The following AIG1 variants were observed in gnomAD, a reference collection of about 807,000 sequenced individuals.
AIG1 encodes the protein androgen induced 1.
AIG1 carries 23 observed loss-of-function variants against 31.4 expected under a neutral mutation model. The ratio of observed to expected loss-of-function variants is 0.73; its 90% CI spans 0.53 to 1.04. The LOEUF (loss-of-function observed/expected upper bound fraction) is 1.04. AIG1 is among the 50% of genes least tolerant of loss of function. The pLI is 0.00. For missense variants in AIG1, 274 were observed against 295.0 expected (o/e 0.93, Z 0.52); for synonymous variants, 100 against 110.5 (o/e 0.90, Z 0.60).
chr6:143,224,507 G>T (rs950139209), intron 3 of AIG1, among the ~76,000 whole-genome samples: 1 of 152,164 alleles, frequency 6.6e-6, no homozygotes, highest in Non-Finnish European at 1.5e-5. Flanking sequence ...AATAAGAGAA[G>T]AAAAGTATAT....
At chr6:143,278,689 G>A (rs1442333813) in intron 3 of AIG1, among the ~76,000 whole-genome samples, 2 of 151,396 alleles carry the variant, frequency 1.3e-5, no homozygotes, top group African/African-American at 4.9e-5. Flanking sequence ...GGCTGGTCTC[G>A]AACTCCTGAC....
At chr6:143,073,618 C>A (rs977751270) in intron 1 of AIG1, among the ~76,000 whole-genome samples, 17 of 152,086 alleles carry the variant, frequency 1.1e-4, no homozygotes, top group African/African-American at 4.1e-4. Context: ...TTTTCATTTC[C>A]ATACCTGAGA....
chr6:143,343,416 T>C (rs968626630), downstream of AIG1: 1 of 512,658 alleles, frequency 2.0e-6, no homozygotes, highest in Non-Finnish European at 3.9e-6. Context: ...TGCACCTGTC[T>C]TGTCCTGCCG....
At chr6:143,312,009 G>T (rs1404841104) in intron 4 of AIG1, among the ~76,000 whole-genome samples, 1 of 151,880 alleles carries the variant, frequency 6.6e-6, no homozygotes, top group Non-Finnish European at 1.5e-5. Flanking sequence ...ACAAAGACGT[G>T]AAAGAGCTCT....
At chr6:143,095,078 A>T (rs1362733173) in intron 1 of AIG1, among the ~76,000 whole-genome samples, 1 of 152,182 alleles carries the variant, frequency 6.6e-6, no homozygotes, top group Non-Finnish European at 1.5e-5. Context: ...TAACATCCAC[A>T]ATGGGGGCAG....
intron 3 of AIG1, among the ~76,000 whole-genome samples, chr6:143,237,900 A>G (rs1793931458): frequency 1.3e-5 from 2 of 152,168 alleles, no homozygotes; most frequent in South Asian, 4.1e-4. Flanking sequence ...TGTTACTTCC[A>G]TTGCTCAACA....
intron 1 of AIG1, among the ~76,000 whole-genome samples, chr6:143,081,294 A>T (rs114825279): frequency 1.3e-3 from 190 of 151,834 alleles, no homozygotes; most frequent in African/African-American, 4.5e-3. Flanking sequence ...CGCCTGGGAT[A>T]CTCCCTGCGT....
rs1797848932 is a variant in AIG1, at chr6:143,288,547, G to T, written c.515+4322G>T. On this transcript the variant is annotated intron_variant, in intron 4 of 5. Coordinates refer to ENST00000357847, the MANE Select transcript of AIG1 (RefSeq NM_016108.4). The surrounding 1 kb of genome is among the most constrained non-coding windows in gnomAD (Gnocchi z 4.4). Reference sequence around the variant, plus strand: ...TGTCTGTTGTCTCTGCACCCTAGTGGTTTTAAACAAATTCCATATTCCAAA... The same window carrying T: ...TGTCTGTTGTCTCTGCACCCTAGTGTTTTTAAACAAATTCCATATTCCAAA... Among the ~76,000 whole-genome samples, 1 of 152,174 alleles carries T rather than the reference G, an allele frequency of 6.6e-6. No homozygotes were observed. Among genetic ancestry groups the T allele is most frequent in the Non-Finnish European group, 1.5e-5 (1 of 68,032 alleles).
intron 3 of AIG1, among the ~76,000 whole-genome samples, chr6:143,217,560 G>A (rs760036106): frequency 2.0e-5 from 3 of 152,132 alleles, no homozygotes; most frequent in Non-Finnish European, 4.4e-5. Context: ...CCAGGCTGGA[G>A]TGGAGTGGTG....
chr6:143,089,761 A>C (rs1779133420), intron 1 of AIG1, among the ~76,000 whole-genome samples: 1 of 152,242 alleles, frequency 6.6e-6, no homozygotes, highest in East Asian at 1.9e-4. Flanking sequence ...TCTTTTTAGC[A>C]ACCAGCTCTT....
In AIG1 at chr6:143,102,389, G is replaced by A. The variant is rs150827828; in HGVS notation, c.142-34446G>A. ...AATGTCCGAGAAAATATTTTCAGCC[G>A]GAAGGGAAGGACTTAAAACGTTTCA... is the stretch of plus-strand genomic sequence containing the variant. On this transcript the variant is annotated intron_variant, in intron 1 of 5. Coordinates refer to ENST00000357847, the MANE Select transcript of AIG1 (RefSeq NM_016108.4). Among the ~76,000 whole-genome samples, 620 of 149,148 alleles carry A rather than the reference G, an allele frequency of 4.2e-3. 15 individuals are homozygous for A. The East Asian group carries it at 0.057, about 14-fold the overall frequency.
chr6:143,141,889 G>C (rs1784273577), intron 2 of AIG1, among the ~76,000 whole-genome samples: 1 of 151,980 alleles, frequency 6.6e-6, no homozygotes, highest in Admixed American at 6.6e-5. Flanking sequence ...TAACCAAAAA[G>C]GGGAGGGGAG....
chr6:143,068,218 A>ATTTGT (rs2128459272), intron 1 of AIG1, among the ~76,000 whole-genome samples: 1 of 151,792 alleles, frequency 6.6e-6, no homozygotes, highest in Admixed American at 6.5e-5. Flanking sequence ...GAGGGTTTTC[A>ATTTGT]TTTGTTTCTG....
chr6:143,067,839 A>T (rs1776861380), intron 1 of AIG1, among the ~76,000 whole-genome samples: 1 of 152,156 alleles, frequency 6.6e-6, no homozygotes, highest in Non-Finnish European at 1.5e-5. Flanking sequence ...TTTGGATATT[A>T]TACAGAGAGT....
intron 3 of AIG1, among the ~76,000 whole-genome samples, chr6:143,193,993 A>C (rs555304145): frequency 6.6e-6 from 1 of 152,382 alleles, no homozygotes; most frequent in East Asian, 1.9e-4. Flanking sequence ...TGAGAGATAC[A>C]AATTGCTTTA....
chr6:143,274,673 G>GATGAATGAATGA (rs71024847), intron 3 of AIG1, among the ~76,000 whole-genome samples: 40 of 151,794 alleles, frequency 2.6e-4, no homozygotes, highest in South Asian at 1.9e-3. Flanking sequence ...GTATTTATTG[G>GATGAATGAATGA]ATGAATGAAT....
chr6:143,109,534 G>A (rs185670241), intron 1 of AIG1, among the ~76,000 whole-genome samples: 1 of 152,024 alleles, frequency 6.6e-6, no homozygotes, highest in African/African-American at 2.4e-5. Context: ...TAGTGTCAAC[G>A]TTTTTTTCTG....
intron 1 of AIG1, among the ~76,000 whole-genome samples, chr6:143,122,128 C>A (rs1435219701): frequency 6.6e-6 from 1 of 152,098 alleles, no homozygotes; most frequent in East Asian, 1.9e-4. Flanking sequence ...GATGTGTGGG[C>A]ATTGAATTAG....
At chr6:143,117,041 C>T (rs374002480) in intron 1 of AIG1, among the ~76,000 whole-genome samples, 1 of 152,002 alleles carries the variant, frequency 6.6e-6, no homozygotes, top group Non-Finnish European at 1.5e-5. Context: ...GTGTGTCTGC[C>T]GTACAGGGTC....
Sources: gnomAD v4.1 joint callset for allele counts (sites outside exome capture counted in the v4.1 genomes callset) on GRCh38, gnomAD v4.1.1 for gene constraint, Gnocchi (gnomAD v3.1) non-coding constraint, MANE v1.5 for transcripts, NCBI Gene and HGNC (gene_info 2026-07-23, HGNC 2026-07-21) for gene names.